ENOX1: variants seen among roughly 807,000 people sequenced by gnomAD.
ENOX1 encodes candidate growth-related and time keeping constitutive hydroquinone (NADH) oxidase.
Under a neutral mutation model 82.5 loss-of-function variants are expected in ENOX1, and 42 were observed. The observed-to-expected ratio is 0.51, with a 90% confidence interval of 0.40 to 0.66. The LOEUF (loss-of-function observed/expected upper bound fraction) is 0.66, where lower values mean the gene tolerates loss of function less well. Ranked by LOEUF, ENOX1 falls within the 30% of genes least tolerant of loss-of-function variation. The pLI is 0.00. For missense variants in ENOX1, 608 were observed against 811.6 expected, an observed-to-expected ratio of 0.75 and a Z score of 3.05; for synonymous variants, 271 against 282.2, an observed-to-expected ratio of 0.96 and a Z score of 0.40.
At position 43,550,125 on chromosome 13, in the gene ENOX1, T is replaced by C. The variant is rs1259647734; in HGVS notation, c.-218-65973A>G. 4.6e-5 allele frequency among the ~76,000 whole-genome samples: 7 copies of C among 152,308 alleles called. No individual in the cohort carries two copies. In the South Asian group the frequency reaches 8.3e-4, roughly 18 times the overall value. On this transcript the variant is annotated intron_variant, in intron 2 of 16. Coordinates refer to ENST00000690772, the MANE Select transcript of ENOX1 (RefSeq NM_001347969.2). ...GAATCTAATGCCTTCGGTGATCTGA[T>C]AGGAGGTGGAGCTCAGGTGATAATG...
intron 14 of ENOX1, among the ~76,000 whole-genome samples, chr13:43,251,655 C>G (rs2043462025): frequency 6.6e-6 from 1 of 152,040 alleles, no homozygotes; most frequent in African/African-American, 2.4e-5. Flanking sequence ...TAAAAACAGG[C>G]AGAATTTGCA....
intron 12 of ENOX1, among the ~76,000 whole-genome samples, chr13:43,274,246 C>G (rs527820599): frequency 1.3e-5 from 2 of 152,144 alleles, no homozygotes; most frequent in Non-Finnish European, 2.9e-5. Flanking sequence ...TTTATAATTA[C>G]GTAATTTATT....
chr13:43,567,503 T>C (rs1195987122), intron 2 of ENOX1, among the ~76,000 whole-genome samples: 2 of 152,070 alleles, frequency 1.3e-5, no homozygotes, highest in African/African-American at 2.4e-5. Context: ...GGAACTTTGT[T>C]AAAAAAAGAT....
At chr13:43,416,317 C>T (rs9567183) in intron 3 of ENOX1, among the ~76,000 whole-genome samples, 92 of 136,322 alleles carry the variant, frequency 6.7e-4, no homozygotes, top group Non-Finnish European at 8.0e-4. Context: ...CCAGACGGGG[C>T]GGCCGGGCAG....
At chr13:43,568,536 C>T (rs544736845) in intron 2 of ENOX1, among the ~76,000 whole-genome samples, 2 of 152,248 alleles carry the variant, frequency 1.3e-5, no homozygotes, top group East Asian at 1.9e-4. Flanking sequence ...TGGCCCACTC[C>T]ACTTGAGCTT....
chr13:43,629,109 C>T (rs2083095376), intron 2 of ENOX1, among the ~76,000 whole-genome samples: 1 of 152,140 alleles, frequency 6.6e-6, no homozygotes, highest in South Asian at 2.1e-4. Context: ...GGATGAAAGT[C>T]CTCGCTCCCT....
At chr13:43,596,268 A>G (rs2081469379) in intron 2 of ENOX1, among the ~76,000 whole-genome samples, 1 of 152,258 alleles carries the variant, frequency 6.6e-6, no homozygotes, top group African/African-American at 2.4e-5. Context: ...ACTGAAGTGT[A>G]CTGTTGCTCA....
chr13:43,753,473 T>C (rs1250582899), intron 1 of ENOX1, among the ~76,000 whole-genome samples: 1 of 152,186 alleles, frequency 6.6e-6, no homozygotes, highest in Admixed American at 6.5e-5. Flanking sequence ...ATTGCTGGTA[T>C]ATAGTAACAC....
chr13:43,429,604 A>G (rs977015349), intron 3 of ENOX1, among the ~76,000 whole-genome samples: 3 of 152,316 alleles, frequency 2.0e-5, no homozygotes, highest in Non-Finnish European at 2.9e-5. Context: ...GTGAAATTCA[A>G]TGACCAGCAA....
At chr13:43,670,948 G>T (rs1181347827) in intron 1 of ENOX1, among the ~76,000 whole-genome samples, 1 of 151,980 alleles carries the variant, frequency 6.6e-6, no homozygotes, top group Non-Finnish European at 1.5e-5. Context: ...CTAGATTTTT[G>T]GTATTGACAT....
At chr13:43,428,928 T>C (rs553173371) in intron 3 of ENOX1, among the ~76,000 whole-genome samples, 2 of 152,350 alleles carry the variant, frequency 1.3e-5, no homozygotes, top group Admixed American at 1.3e-4. Context: ...TCAGTTATCA[T>C]GTGGGACACT....
At chr13:43,322,533 C>A in intron 10 of ENOX1, 32 bp from the exon 11 acceptor site, 3 of 1,574,150 alleles carry the variant, frequency 1.9e-6, no homozygotes, top group Non-Finnish European at 2.6e-6. Flanking sequence ...ATGTCAGAGT[C>A]ACAGACACAT....
At chr13:43,400,406 G>A (rs565098183) in intron 5 of ENOX1, among the ~76,000 whole-genome samples, 23 of 152,302 alleles carry the variant, frequency 1.5e-4, no homozygotes, top group African/African-American at 5.3e-4. Flanking sequence ...TTCCCATGCA[G>A]GATGTACATA....
In ENOX1 at chr13:43,456,960, ATC is replaced by A. The variant is rs200751312; in HGVS notation, c.-75+27047_-75+27048del. ...TGCTGTCTTCCACAAATTGCCTGAT[ATC>A]TCACATTCAGTAGCCTCTCCTCTGT... On this transcript the variant is annotated intron_variant, in intron 3 of 16. Transcript: ENST00000690772. Among the ~76,000 whole-genome samples, 63 of 132,182 alleles carry A rather than the reference ATC, an allele frequency of 4.8e-4. 2 individuals are homozygous for A. The East Asian group carries it at 0.014, about 30-fold the overall frequency. The allele number at this position is 132,182 out of a possible 152,430, so 86.7% of individuals were successfully genotyped here.
At chr13:43,328,342 G>C (rs2048232744) in intron 9 of ENOX1, among the ~76,000 whole-genome samples, 1 of 152,172 alleles carries the variant, frequency 6.6e-6, no homozygotes, top group South Asian at 2.1e-4. Context: ...CCAAATCTAG[G>C]CTGGCAGGGG....
chr13:43,554,421 T>C (rs984171662), intron 2 of ENOX1, among the ~76,000 whole-genome samples: 1 of 152,232 alleles, frequency 6.6e-6, no homozygotes, highest in Admixed American at 6.5e-5. Context: ...TATAGTGCTA[T>C]ACAATTTACA....
chr13:43,649,240 A>C (rs1594255842), intron 2 of ENOX1, among the ~76,000 whole-genome samples: 1 of 152,320 alleles, frequency 6.6e-6, no homozygotes, highest in Admixed American at 6.5e-5. Flanking sequence ...TCTCATAATT[A>C]CCCCTTTCAT....
intron 11 of ENOX1, among the ~76,000 whole-genome samples, chr13:43,316,301 T>C (rs1253125839): frequency 6.6e-6 from 1 of 152,068 alleles, no homozygotes; most frequent in Non-Finnish European, 1.5e-5. Context: ...TGTGGCACAG[T>C]TGAGTAGTTA....
Position 43,780,086 on chromosome 13 carries a change from G to A in ENOX1, c.-285+6566C>T, listed in dbSNP as rs1472548460. ...TGAGGCAGGAGAATGGCGTGAACCC[G>A]GGAGGCAGAGCTTGCAGTGAGCCGA... is the stretch of plus-strand genomic sequence containing the variant. On this transcript the variant is annotated intron_variant, in intron 1 of 16. Transcript: ENST00000690772. Among the ~76,000 whole-genome samples the A allele has an allele frequency of 6.6e-5, 10 of 151,646 alleles. No homozygotes were observed. The East Asian group carries it at 1.4e-3, about 21-fold the overall frequency.
Sources: gnomAD v4.1 joint callset for allele counts (sites outside exome capture counted in the v4.1 genomes callset) on GRCh38, gnomAD v4.1.1 for gene constraint, MANE v1.5 for transcripts, NCBI Gene and HGNC (gene_info 2026-07-23, HGNC 2026-07-21) for gene names.